Variants in CUL4A observed in about 807,000 individuals in gnomAD.
CUL4A encodes cullin-4A.
CUL4A carries 16 observed loss-of-function variants against 95.5 expected under a neutral mutation model. The ratio of observed to expected loss-of-function variants is 0.17; its 90% CI spans 0.11 to 0.25. The LOEUF (loss-of-function observed/expected upper bound fraction) is 0.25, where lower values mean the gene tolerates loss of function less well. Among genes scored for constraint, CUL4A ranks in the 10% least tolerant of loss-of-function variants. The pLI is 1.00. For missense variants in CUL4A, 610 were observed against 937.0 expected (o/e 0.65, Z 4.56); for synonymous variants, 380 against 353.1 (o/e 1.08, Z -0.85).
At chr13:113,220,527 T>C (rs1263993632) in intron 3 of CUL4A, among the ~76,000 whole-genome samples, 1 of 152,176 alleles carries the variant, frequency 6.6e-6, no homozygotes, top group African/African-American at 2.4e-5. Context: ...GTTCCAGATG[T>C]TTCCATCCAA....
At chr13:113,228,076 G>A (rs1169924563) in intron 4 of CUL4A, 31 bp downstream of exon 4, 14 of 1,519,508 alleles carry the variant, frequency 9.2e-6, no homozygotes, top group East Asian at 2.3e-5. Flanking sequence ...ATCAAAACAC[G>A]ACCTCATCCA....
At chr13:113,212,602 G>A (rs945969713) in intron 2 of CUL4A, among the ~76,000 whole-genome samples, 3 of 152,148 alleles carry the variant, frequency 2.0e-5, no homozygotes, top group Non-Finnish European at 4.4e-5. Flanking sequence ...TGGCCAACAT[G>A]GTGAAACCCC....
chr13:113,256,094 G>A (rs562105026), intron 18 of CUL4A, among the ~76,000 whole-genome samples: 1 of 152,198 alleles, frequency 6.6e-6, no homozygotes, highest in African/African-American at 2.4e-5. Flanking sequence ...CAGCTACTCG[G>A]GAGGGTCGCT....
intron 10 of CUL4A, among the ~76,000 whole-genome samples, chr13:113,239,862 A>G (rs1183470580): frequency 1.3e-5 from 2 of 152,240 alleles, no homozygotes; most frequent in Admixed American, 1.3e-4. Flanking sequence ...GATTTTTCCT[A>G]AAGTAATCAT....
chr13:113,241,802 T>C (rs2041719556), intron 10 of CUL4A, among the ~76,000 whole-genome samples: 1 of 151,624 alleles, frequency 6.6e-6, no homozygotes, highest in Non-Finnish European at 1.5e-5. Context: ...CGTGAGCCAC[T>C]GCGCCCAGCC....
At chr13:113,210,210 TC>T in intron 2 of CUL4A, 122 bp downstream of exon 2, 1 of 592,824 alleles carries the variant, frequency 1.7e-6, no homozygotes, top group Non-Finnish European at 2.7e-6. Flanking sequence ...GGCGTTTGCC[TC>T]CACTGCAGGG....
chr13:113,229,533 C>T lies in CUL4A; in HGVS notation c.512+14C>T. 1 of 1,608,412 alleles carries T rather than the reference C, an allele frequency of 6.2e-7. No homozygotes were observed. The highest frequency in any genetic ancestry group is 8.5e-7 in the Non-Finnish European group (1 of 1,176,524). On this transcript the variant is annotated intron_variant, in intron 5 of 19. Coordinates refer to ENST00000375440, the MANE Select transcript of CUL4A (RefSeq NM_001008895.4). ...GCCCTCCATCTGGTGAGTGTCCTCA[C>T]AGCGCAGAGCTGCGTCTTCCCTGCA...
At position 113,233,233 on chromosome 13, in the gene CUL4A, G is replaced by T; in HGVS notation, c.569G>T (p.Ser190Ile). 6.2e-7 allele frequency: 1 copy of T among 1,614,054 alleles called. No homozygotes were observed. ...ATTATTAGTGATAAAATGGTTCAGA[G>T]TAAAACCATTGATGGAATCCTACTG... ...THIISDKMVQ[S>I]KTIDGILLLI... Residue 190 changes from serine (S) to isoleucine (I), a missense_variant, in exon 6 of 20, where the codon AGT becomes ATT. This residue lies in a region of CUL4A where 97 missense variants were observed against 100.3 expected (regional missense o/e 0.97). Coordinates refer to ENST00000375440, the MANE Select transcript of CUL4A (RefSeq NM_001008895.4).
chr13:113,235,436 A>G (rs941786665), intron 8 of CUL4A, among the ~76,000 whole-genome samples: 1 of 152,170 alleles, frequency 6.6e-6, no homozygotes, highest in African/African-American at 2.4e-5. Context: ...ACTGAATATT[A>G]GGTTATTTTG....
chr13:113,247,401 C>T (rs1287845714), intron 15 of CUL4A, among the ~76,000 whole-genome samples: 1 of 152,158 alleles, frequency 6.6e-6, no homozygotes, highest in Non-Finnish European at 1.5e-5. Flanking sequence ...TTCTTTCCTC[C>T]CAGGTGTAGG....
rs1322356490 is a variant in CUL4A, at chr13:113,267,057, A to G, written c.*3475A>G. The G allele has an allele frequency of 6.6e-6, 1 of 152,192 alleles. No homozygotes were observed. Among genetic ancestry groups the G allele is most frequent in the Admixed American group, 6.5e-5 (1 of 15,278 alleles). The allele number at this position is 152,192 out of a possible 1,614,324, so 9.4% of individuals were successfully genotyped here. ...TACTCAATTTTTGACTGTATTCACC[A>G]TGCTGTACAATAGAACTCAGAAAAA... On this transcript the variant is annotated 3_prime_UTR_variant, in exon 20 of 20. Transcript: ENST00000375440.
chr13:113,242,613 C>T (rs533397824), intron 10 of CUL4A, among the ~76,000 whole-genome samples: 3 of 152,202 alleles, frequency 2.0e-5, no homozygotes, highest in Non-Finnish European at 2.9e-5. Flanking sequence ...AACATGACCC[C>T]GTCTCTACAA....
At chr13:113,213,328 CA>C (rs1439471410) in intron 2 of CUL4A, among the ~76,000 whole-genome samples, 2 of 152,198 alleles carry the variant, frequency 1.3e-5, no homozygotes, top group Non-Finnish European at 2.9e-5. Flanking sequence ...GGAAGCTGAG[CA>C]GTTGGGGCCT....
intron 3 of CUL4A, among the ~76,000 whole-genome samples, chr13:113,220,827 T>G (rs9603813): frequency 0.025 from 3,788 of 152,294 alleles, 162 homozygotes; most frequent in African/African-American, 0.086. Flanking sequence ...ATGCCTGATT[T>G]CTACCCTCCA....
At position 113,234,836 on chromosome 13, in the gene CUL4A, C is replaced by A. The variant is rs541981755; in HGVS notation, c.766-227C>A. 3.3e-5 allele frequency among the ~76,000 whole-genome samples: 5 copies of A among 152,318 alleles called. No individual in the cohort carries two copies. The East Asian group carries it at 9.6e-4, about 29-fold the overall frequency. ...GCACAGGGACGAAAGAGAAGTGCAG[C>A]CTGGGCCCTGTTGTAGGATGGATGT... On this transcript the variant is annotated intron_variant, in intron 7 of 19. Transcript: ENST00000375440.
In CUL4A at chr13:113,243,038, A is replaced by G; in HGVS notation, c.1106A>G (p.Lys369Arg). 1 of 1,614,210 alleles carries G rather than the reference A, an allele frequency of 6.2e-7. No homozygotes were observed. The highest frequency in any genetic ancestry group is 8.5e-7 in the Non-Finnish European group (1 of 1,180,008). The change falls in exon 11 of 20, where the codon AAG becomes AGG. Residue 369 changes from lysine to arginine, a missense_variant. Physicochemically the swap from Lys to Arg is conservative, Grantham distance 26 (BLOSUM62 2). Transcript: ENST00000375440. ...ATGGTCCAAGACCTGTTGGACTTCA[A>G]GGACAAGGTGGACCACGTGATCGAG... ...KDMVQDLLDF[K>R]DKVDHVIEVC...
chr13:113,209,814 G>T (rs2040289161), intron 1 of CUL4A, 39 bp downstream of exon 1: 1 of 1,167,548 alleles, frequency 8.6e-7, no homozygotes, highest in African/African-American at 1.6e-5. Context: ...GGCGCCCCGG[G>T]CGGGGACCCC....
chr13:113,260,859 T>TTCA, intron 19 of CUL4A, 100 bp downstream of exon 19: 1 of 918,832 alleles, frequency 1.1e-6, no homozygotes, highest in South Asian at 1.7e-5. Flanking sequence ...ACCTGCATTA[T>TTCA]TCATGGTGCT....
chr13:113,248,796 T>C (rs2139255885), intron 15 of CUL4A, among the ~76,000 whole-genome samples: 1 of 152,366 alleles, frequency 6.6e-6, no homozygotes, highest in South Asian at 2.1e-4. Flanking sequence ...TTACACTGTA[T>C]TGTTAACAGT....
Sources: gnomAD v4.1 joint callset for allele counts (sites outside exome capture counted in the v4.1 genomes callset) on GRCh38, gnomAD v4.1.1 for gene constraint, gnomAD v4.1.1 regional missense constraint, MANE v1.5 for transcripts, NCBI Gene and HGNC (gene_info 2026-07-23, HGNC 2026-07-21) for gene names.